The following CSMD1 variants were observed in gnomAD, a reference collection of about 807,000 sequenced individuals.
CSMD1 encodes the protein CUB and sushi domain-containing protein 1.
A neutral mutation model predicts 417.5 loss-of-function variants in CSMD1; 213 were observed. That is an observed-to-expected ratio of 0.51 (90% CI 0.46 to 0.57). CSMD1 has a LOEUF of 0.57. Among genes scored for constraint, CSMD1 ranks in the 20% least tolerant of loss-of-function variants. The pLI is 0.00. For missense variants in CSMD1, 6,923 were observed against 4,529.7 expected, an observed-to-expected ratio of 1.53 and a Z score of -15.17; for synonymous variants, 2,862 against 1,736.8, an observed-to-expected ratio of 1.65 and a Z score of -16.11.
intron 1 of CSMD1, among the ~76,000 whole-genome samples, chr8:4,804,379 G>T (rs1798472466): frequency 6.6e-6 from 1 of 151,932 alleles, no homozygotes; most frequent in Non-Finnish European, 1.5e-5. Flanking sequence ...TTTGATGCAG[G>T]TATTTTAAGA....
chr8:3,302,477 G>A (rs1315410399), intron 25 of CSMD1, among the ~76,000 whole-genome samples: 1 of 152,088 alleles, frequency 6.6e-6, no homozygotes, highest in Non-Finnish European at 1.5e-5. Context: ...TGTGATTTGA[G>A]TTTCACTTCC....
At chr8:3,607,300 A>G (rs760459748) in intron 8 of CSMD1, among the ~76,000 whole-genome samples, 1 of 152,198 alleles carries the variant, frequency 6.6e-6, no homozygotes, top group Non-Finnish European at 1.5e-5. Flanking sequence ...TGAAGCTGTC[A>G]TGTCCAATGA....
In CSMD1 at chr8:4,699,443, A is replaced by G. The variant is rs150518663; in HGVS notation, c.86-61885T>C. Among the ~76,000 whole-genome samples, 58 of 152,268 alleles carry G rather than the reference A, an allele frequency of 3.8e-4. 1 individual carries two copies. The highest frequency in any genetic ancestry group is 1.3e-3 in the African/African-American group (56 of 41,568). ...TGTTCTATTGTCAAGACCCAGGTTC[A>G]ATGTCATATTCTATAAAGTTTTCCC... On this transcript the variant is annotated intron_variant, in intron 1 of 69. Transcript: ENST00000635120.
At chr8:4,789,638 T>C (rs1175847681) in intron 1 of CSMD1, among the ~76,000 whole-genome samples, 1 of 152,186 alleles carries the variant, frequency 6.6e-6, no homozygotes, top group African/African-American at 2.4e-5. Flanking sequence ...GTTGCATTTT[T>C]GAATGCTGGC....
At chr8:3,138,959 T>C (rs1449229521) in intron 41 of CSMD1, among the ~76,000 whole-genome samples, 1 of 152,178 alleles carries the variant, frequency 6.6e-6, no homozygotes, top group Non-Finnish European at 1.5e-5. Context: ...ATTTAGGAGT[T>C]TGGCCATTTT....
chr8:3,575,207 G>C, intron 9 of CSMD1, 141 bp from the exon 10 acceptor site: 2 of 876,156 alleles, frequency 2.3e-6, no homozygotes, highest in Non-Finnish European at 3.4e-6. Context: ...GACTCCAACT[G>C]GGGCATGGAC....
chr8:4,991,697 G>T (rs533788948), intron 1 of CSMD1, among the ~76,000 whole-genome samples: 1 of 152,124 alleles, frequency 6.6e-6, no homozygotes, highest in Non-Finnish European at 1.5e-5. Flanking sequence ...CGCCCCCGGG[G>T]GGAGGCCCGA....
chr8:4,688,034 G>T (rs1422374773), intron 1 of CSMD1, among the ~76,000 whole-genome samples: 1 of 152,060 alleles, frequency 6.6e-6, no homozygotes. Context: ...TCCATTTTTA[G>T]ATGATATCTA....
chr8:3,696,237 T>G (rs764536491), intron 7 of CSMD1, among the ~76,000 whole-genome samples: 1 of 152,202 alleles, frequency 6.6e-6, no homozygotes, highest in African/African-American at 2.4e-5. Flanking sequence ...ATAGGCAATT[T>G]AGACAGGCAC....
In CSMD1 at chr8:3,562,060, C is replaced by T. The variant is rs548660320; in HGVS notation, c.1344+12885G>A. Among the ~76,000 whole-genome samples the T allele has an allele frequency of 6.5e-4, 99 of 151,808 alleles. 1 individual carries two copies. Among genetic ancestry groups the T allele is most frequent in the Middle Eastern group, 3.4e-3 (1 of 292 alleles). On this transcript the variant is annotated intron_variant, in intron 10 of 69. Transcript: ENST00000635120. ...ACCACCCATCTCATAAAACACTCTG[C>T]AGGTTTAGAGTAAAAATTCGGTACC...
intron 11 of CSMD1, among the ~76,000 whole-genome samples, chr8:3,487,021 C>A (rs1038371200): frequency 6.6e-6 from 1 of 152,096 alleles, no homozygotes; most frequent in African/African-American, 2.4e-5. Context: ...ACCTCTCACA[C>A]ACAGAAGGTG....
In CSMD1 at chr8:2,936,316, C is replaced by G. The variant is rs1801460788; in HGVS notation, c.*2269G>C. ...ATGGGAACAGAGATGTTAATTCAGA[C>G]TCTGAAGTCAGCATTTTGCACCTAG... is the stretch of plus-strand genomic sequence containing the variant. On this transcript the variant is annotated 3_prime_UTR_variant, in exon 70 of 70. Coordinates refer to ENST00000635120, the MANE Select transcript of CSMD1 (RefSeq NM_033225.6). 1 of 151,734 alleles carries G rather than the reference C, an allele frequency of 6.6e-6. No homozygotes were observed. The highest frequency in any genetic ancestry group is 1.5e-5 in the Non-Finnish European group (1 of 67,986). The allele number at this position is 151,734 out of a possible 1,614,324, so 9.4% of individuals were successfully genotyped here.
Position 3,103,902 on chromosome 8 carries a change from C to T in CSMD1, c.6949+2626G>A, listed in dbSNP as rs1028308714. On this transcript the variant is annotated intron_variant, in intron 46 of 69. Transcript: ENST00000635120. Reference sequence around the variant, plus strand: ...GGGATTACAGGCACGTGCCACCACACGCAGCTAATTTTGTATTTTCAGTAG... The same window carrying T: ...GGGATTACAGGCACGTGCCACCACATGCAGCTAATTTTGTATTTTCAGTAG... Among the ~76,000 whole-genome samples, 4 of 152,092 alleles carry T rather than the reference C, an allele frequency of 2.6e-5. No individual in the cohort carries two copies. In the East Asian group the frequency reaches 5.8e-4, roughly 22 times the overall value.
chr8:3,130,004 A>C (rs1025102819), intron 41 of CSMD1, among the ~76,000 whole-genome samples: 2 of 152,138 alleles, frequency 1.3e-5, no homozygotes, highest in Non-Finnish European at 2.9e-5. Context: ...AAGAAAAGTT[A>C]AATGTTGAAT....
At chr8:3,761,742 G>C (rs1275995859) in intron 5 of CSMD1, among the ~76,000 whole-genome samples, 1 of 152,034 alleles carries the variant, frequency 6.6e-6, no homozygotes, top group Non-Finnish European at 1.5e-5. Flanking sequence ...CTGATCTCAG[G>C]TGATCCATCT....
At chr8:4,672,303 G>A (rs1805380098) in intron 1 of CSMD1, among the ~76,000 whole-genome samples, 1 of 152,128 alleles carries the variant, frequency 6.6e-6, no homozygotes, top group Non-Finnish European at 1.5e-5. Flanking sequence ...AACTTCTCTA[G>A]AACTTCATTT....
At chr8:3,080,478 C>G (rs575437622) in intron 49 of CSMD1, among the ~76,000 whole-genome samples, 6 of 152,118 alleles carry the variant, frequency 3.9e-5, no homozygotes, top group Admixed American at 2.6e-4. Flanking sequence ...TCCCTGAAAC[C>G]AATAAAATAC....
intron 5 of CSMD1, among the ~76,000 whole-genome samples, chr8:3,785,022 G>C (rs1312385512): frequency 6.6e-6 from 1 of 152,198 alleles, no homozygotes; most frequent in African/African-American, 2.4e-5. Flanking sequence ...GTTATAAGTA[G>C]AGGGAGGGAA....
At chr8:4,753,513 C>G (rs1015715289) in intron 1 of CSMD1, among the ~76,000 whole-genome samples, 1 of 151,962 alleles carries the variant, frequency 6.6e-6, no homozygotes, top group African/African-American at 2.4e-5. Flanking sequence ...TTCGTACAAG[C>G]CCACACTCGT....
Sources: allele counts gnomAD v4.1 joint callset (sites outside exome capture counted in the v4.1 genomes callset), GRCh38; gene constraint gnomAD v4.1.1; transcripts MANE v1.5; gene names NCBI Gene and HGNC (gene_info 2026-07-23, HGNC 2026-07-21).